Variants in ASAH1 observed in about 807,000 individuals in gnomAD.
The protein encoded by ASAH1 is N-acylsphingosine amidohydrolase 1.
In ASAH1, 70 loss-of-function variants were observed where a neutral mutation model predicts 59.5. The ratio of observed to expected loss-of-function variants is 1.18; its 90% CI spans 0.97 to 1.43. The LOEUF (loss-of-function observed/expected upper bound fraction) is 1.43, where lower values mean the gene tolerates loss of function less well. Ranked by LOEUF, ASAH1 falls within the 40% of genes most tolerant of loss-of-function variation. The probability of loss-of-function intolerance (pLI) is 0.00; values close to 1 mark genes in which losing one functional copy is unlikely to be tolerated. For synonymous variants in ASAH1, 213 were observed against 166.5 expected, an observed-to-expected ratio of 1.28 and a Z score of -2.15; for missense variants, 660 against 482.5, an observed-to-expected ratio of 1.37 and a Z score of -3.45.
chr8:18,084,409 G>T (rs1480806384), upstream of ASAH1: 3 of 1,392,090 alleles, frequency 2.2e-6, no homozygotes, highest in Non-Finnish European at 2.8e-6. Context: ...AGCTTCACCC[G>T]TGGCGCCTCG....
chr8:18,067,658 C>G (rs183529976), intron 4 of ASAH1: 1 of 159,080 alleles, frequency 6.3e-6, no homozygotes, highest in East Asian at 1.8e-4. Context: ...AACAAGCACT[C>G]CTTATCTCTC....
intron 2 of ASAH1, among the ~76,000 whole-genome samples, chr8:18,075,141 G>A (rs914466020): frequency 7.9e-5 from 12 of 151,582 alleles, no homozygotes; most frequent in South Asian, 4.2e-4. Context: ...GACTACAGGC[G>A]CCCGCCACCA....
intron 7 of ASAH1, 107 bp downstream of exon 7, chr8:18,063,078 C>G: frequency 9.8e-7 from 1 of 1,015,642 alleles, no homozygotes; most frequent in South Asian, 1.3e-5. Context: ...CCATCTTGGC[C>G]AGGCTGGTCT....
At chr8:18,079,029 C>T (rs906581300) in intron 1 of ASAH1, among the ~76,000 whole-genome samples, 2 of 152,078 alleles carry the variant, frequency 1.3e-5, no homozygotes, top group East Asian at 1.9e-4. Context: ...GTAATTCCAG[C>T]ACCTTGGGAG....
At position 18,083,191 on chromosome 8, in the gene ASAH1, GT is replaced by G. The variant is rs1225190083; in HGVS notation, c.78+789del. The G allele has an allele frequency of 2.0e-5, 3 of 152,216 alleles. No individual in the cohort carries two copies. The South Asian group carries it at 6.2e-4, about 31-fold the overall frequency. The allele number at this position is 152,216 out of a possible 1,614,324, so 9.4% of individuals were successfully genotyped here. ...GCCAGGTTCCTACTTATCCGATTCT[GT>G]TGGCAAAGACAAACGCAGTCTGATT... On this transcript the variant is annotated intron_variant, in intron 1 of 13. Coordinates refer to ENST00000637790, the MANE Select transcript of ASAH1 (RefSeq NM_177924.5).
rs184212316 is a variant in ASAH1 at position 18,058,160 on chromosome 8, G to C, written c.1099-537C>G. The C allele has an allele frequency of 9.2e-3, 1,410 of 153,710 alleles. 21 individuals are homozygous for C. Among genetic ancestry groups the C allele is most frequent in the African/African-American group, 0.031 (1,307 of 41,562 alleles). The allele number at this position is 153,710 out of a possible 1,614,324, so 9.5% of individuals were successfully genotyped here. A position where few individuals can be genotyped will look rare whatever the true frequency, so the allele number is the denominator to read the frequency against. ...TTGTGACTTGCTCAAAGATGGTATA[G>C]GCAAAACGCAAGTATGGCAGGGCCC... On this transcript the variant is annotated intron_variant, in intron 13 of 13. Coordinates refer to ENST00000637790, the MANE Select transcript of ASAH1 (RefSeq NM_177924.5).
At chr8:18,081,323 G>A (rs555698798) in intron 1 of ASAH1, among the ~76,000 whole-genome samples, 4 of 151,974 alleles carry the variant, frequency 2.6e-5, no homozygotes, top group Admixed American at 6.5e-5. Flanking sequence ...ATCCTTCAAC[G>A]CACCCTGTTT....
At chr8:18,075,642 T>C (rs368389576) in intron 1 of ASAH1, 55 bp from the exon 2 acceptor site, 250 of 1,540,500 alleles carry the variant, frequency 1.6e-4, no homozygotes, top group Non-Finnish European at 2.1e-4. Flanking sequence ...GCCAACGGAA[T>C]AAGCAATTTC....
At chr8:18,084,721 G>T, upstream of ASAH1, 20 of 1,613,744 alleles carry the variant, frequency 1.2e-5, no homozygotes, top group Non-Finnish European at 1.6e-5. Flanking sequence ...TTGAGGCCTC[G>T]GTGAAAAGCG....
chr8:18,067,146 T>A, intron 5 of ASAH1, 74 bp downstream of exon 5: 1 of 1,261,306 alleles, frequency 7.9e-7, no homozygotes. Context: ...GTGCTGTATG[T>A]ATATCACACC....
chr8:18,059,385 G>A lies in ASAH1; in HGVS notation c.997C>T (p.Arg333Cys), dbSNP rs543697946. 1.2e-6 allele frequency: 2 copies of A among 1,614,056 alleles called. No individual in the cohort carries two copies. The highest frequency in any genetic ancestry group is 1.7e-6 in the Non-Finnish European group (2 of 1,180,040). ...AGACACATCTTTGCAGGCGTTCTGC[G>A]ATCATCAAGGAAGAAGGGATGTTTC... is the stretch of plus-strand genomic sequence containing the variant. ...RWKHPFFLDDRRTPAKMCLNR... is the reference protein window; with the variant it reads ...RWKHPFFLDDCRTPAKMCLNR... Residue 333 changes from arginine (R) to cysteine (C), a missense_variant, in exon 12 of 14, where the codon CGC (arginine) becomes TGC (cysteine). Transcript: ENST00000637790.
chr8:18,066,464 AATC>A (rs1281382994), intron 5 of ASAH1: 5 of 151,742 alleles, frequency 3.3e-5, no homozygotes, highest in Non-Finnish European at 5.9e-5. Context: ...CAATCTCATT[AATC>A]ATCAAGGAAA....
At chr8:18,070,330 A>T (rs1277626378) in intron 3 of ASAH1, among the ~76,000 whole-genome samples, 1 of 152,098 alleles carries the variant, frequency 6.6e-6, no homozygotes, top group African/African-American at 2.4e-5. Context: ...TTGTATTTTT[A>T]GTAGAGACGG....
At position 18,056,359 on chromosome 8, in the gene ASAH1, G is replaced by A. The variant is rs986389162; in HGVS notation, c.*1175C>T. 1 of 152,080 alleles carries A rather than the reference G, an allele frequency of 6.6e-6. No individual in the cohort carries two copies. Among genetic ancestry groups the A allele is most frequent in the Non-Finnish European group, 1.5e-5 (1 of 68,032 alleles). 9.4% of individuals were successfully genotyped at this position (152,080 alleles called of 1,614,324 possible). ...AACCCTTGTTATTTAATTCAGATAC[G>A]ATGTTCAGCTTGTATTTCTTGATAA... is the stretch of plus-strand genomic sequence containing the variant. On this transcript the variant is annotated 3_prime_UTR_variant, in exon 14 of 14. Transcript: ENST00000637790.
upstream of ASAH1, chr8:18,084,522 C>T: frequency 1.4e-6 from 2 of 1,391,130 alleles, no homozygotes; most frequent in Non-Finnish European, 9.8e-7. Flanking sequence ...TGTAACATCC[C>T]ACCCTGACCC....
At chr8:18,084,571 A>T, upstream of ASAH1, 1 of 1,548,242 alleles carries the variant, frequency 6.5e-7, no homozygotes, top group Non-Finnish European at 8.8e-7. Flanking sequence ...AAATGAGTTG[A>T]GTTATTCATC....
At chr8:18,061,874 T>C (rs1037104068) in intron 8 of ASAH1, 134 bp from the exon 9 acceptor site, 1 of 870,802 alleles carries the variant, frequency 1.1e-6, no homozygotes, top group Non-Finnish European at 1.8e-6. Flanking sequence ...ATCAAAACCA[T>C]AAAAGGCTTT....
intron 2 of ASAH1, among the ~76,000 whole-genome samples, chr8:18,073,040 T>G (rs182404797): frequency 2.3e-4 from 35 of 152,256 alleles, no homozygotes; most frequent in Admixed American, 1.3e-3. Flanking sequence ...GGGATTACAA[T>G]GAAGTGGGGA....
intron 9 of ASAH1, 46 bp downstream of exon 9, chr8:18,061,639 TA>T (rs1206781909): frequency 6.4e-7 from 1 of 1,564,348 alleles, no homozygotes; most frequent in Non-Finnish European, 8.7e-7. Context: ...GCCTTCCTCA[TA>T]AAAAAGCTCT....
Sources: allele counts gnomAD v4.1 joint callset (sites outside exome capture counted in the v4.1 genomes callset), GRCh38; gene constraint gnomAD v4.1.1; transcripts MANE v1.5; gene names NCBI Gene and HGNC (gene_info 2026-07-23, HGNC 2026-07-21).